The following BTBD9 variants were observed in gnomAD, a reference collection of about 807,000 sequenced individuals.
BTBD9 encodes the protein BTB domain containing 9.
BTBD9 carries 49 observed loss-of-function variants against 64.3 expected under a neutral mutation model. That is an observed-to-expected ratio of 0.76 (90% CI 0.61 to 0.97). The LOEUF is 0.97. Ranked by LOEUF, BTBD9 falls within the 50% of genes least tolerant of loss-of-function variation. The pLI is 0.00. For synonymous variants in BTBD9, 260 were observed against 274.7 expected, an observed-to-expected ratio of 0.95 and a Z score of 0.53; for missense variants, 598 against 762.1, an observed-to-expected ratio of 0.78 and a Z score of 2.53.
At chr6:38,232,238 A>G (rs978250794) in intron 9 of BTBD9, among the ~76,000 whole-genome samples, 1 of 151,206 alleles carries the variant, frequency 6.6e-6, no homozygotes, top group Non-Finnish European at 1.5e-5. Flanking sequence ...GGGTAGTTTC[A>G]GCCCTGGTCT....
Position 38,239,535 on chromosome 6 carries a change from A to G in BTBD9, c.1562+16874T>C, listed in dbSNP as rs190209545. 2.0e-3 allele frequency among the ~76,000 whole-genome samples: 297 copies of G among 152,184 alleles called. 1 individual carries two copies. Among genetic ancestry groups the G allele is most frequent in the African/African-American group, 6.8e-3 (282 of 41,522 alleles). The stretch of plus-strand genomic sequence containing the variant: ...TTTTATCACCCAAGCTACTGGGCTA[A>G]GCTTCAGGATACCAAACCCTTGAGT... On this transcript the variant is annotated intron_variant, in intron 9 of 10. Transcript: ENST00000481247.
intron 6 of BTBD9, among the ~76,000 whole-genome samples, chr6:38,426,133 G>C (rs1360110391): frequency 6.6e-6 from 1 of 151,894 alleles, no homozygotes; most frequent in Non-Finnish European, 1.5e-5. Context: ...AATTAATGAA[G>C]AATGTTTGAT....
intron 6 of BTBD9, among the ~76,000 whole-genome samples, chr6:38,561,318 G>A (rs930934663): frequency 2.1e-4 from 30 of 143,554 alleles, no homozygotes; most frequent in Admixed American, 2.1e-4. Context: ...GAGAGGCTGC[G>A]GAAAAACAGG....
intron 6 of BTBD9, among the ~76,000 whole-genome samples, chr6:38,436,744 A>C (rs1487388886): frequency 6.6e-6 from 1 of 152,160 alleles, no homozygotes; most frequent in East Asian, 1.9e-4. Flanking sequence ...AAAAGAAGGG[A>C]GCGGACAGGT....
At chr6:38,533,229 AT>A (rs1216061414) in intron 6 of BTBD9, among the ~76,000 whole-genome samples, 1 of 152,174 alleles carries the variant, frequency 6.6e-6, no homozygotes, top group African/African-American at 2.4e-5. Context: ...AAGACATTCC[AT>A]GCTAATGGAA....
chr6:38,321,574 C>T (rs1270965630), intron 7 of BTBD9, among the ~76,000 whole-genome samples: 1 of 152,184 alleles, frequency 6.6e-6, no homozygotes, highest in Non-Finnish European at 1.5e-5. Flanking sequence ...TGTGATAACA[C>T]TGCCAAAGAA....
chr6:38,461,655 T>C (rs1185289785), intron 6 of BTBD9, among the ~76,000 whole-genome samples: 1 of 152,260 alleles, frequency 6.6e-6, no homozygotes, highest in African/African-American at 2.4e-5. Flanking sequence ...GGGTATATGC[T>C]TTCTTTTCCT....
chr6:38,504,350 G>A (rs9380755), intron 6 of BTBD9: 1 of 295,104 alleles, frequency 3.4e-6, no homozygotes, highest in Admixed American at 4.0e-5. Context: ...ACTGATGATG[G>A]GCTATTATTT....
At chr6:38,288,796 G>A (rs1004584353) in intron 7 of BTBD9, among the ~76,000 whole-genome samples, 31 of 151,094 alleles carry the variant, frequency 2.1e-4, no homozygotes, top group African/African-American at 6.3e-4. Context: ...GCGTGGTGGC[G>A]TGTGCCTGTA....
In BTBD9 at chr6:38,175,286, G is replaced by A. The variant is rs1282260546; in HGVS notation, c.1642-104C>T. 1.0e-5 allele frequency: 12 copies of A among 1,166,808 alleles called. No individual in the cohort carries two copies. The South Asian group carries it at 1.4e-4, about 13-fold the overall frequency. The allele number at this position is 1,166,808 out of a possible 1,614,324, so 72.3% of individuals were successfully genotyped here. A position where few individuals can be genotyped will look rare whatever the true frequency, so the allele number is the denominator to read the frequency against. On this transcript the variant is annotated intron_variant, in intron 10 of 10. Transcript: ENST00000481247. ...CCTGCCCAGCTTTGGGGGCCACCAC[G>A]AGGGAGTTAGAGGAGGTCCTTCCCA...
At chr6:38,390,914 A>G (rs572030930) in intron 6 of BTBD9, among the ~76,000 whole-genome samples, 2 of 152,220 alleles carry the variant, frequency 1.3e-5, no homozygotes, top group South Asian at 4.1e-4. Flanking sequence ...TGTGAAATCC[A>G]AAAGTCTGGG....
intron 8 of BTBD9, among the ~76,000 whole-genome samples, chr6:38,264,253 G>A (rs1764894653): frequency 1.3e-5 from 2 of 152,276 alleles, no homozygotes; most frequent in Non-Finnish European, 2.9e-5. Flanking sequence ...GGAGGATACA[G>A]GCCAGGGTCA....
intron 9 of BTBD9, among the ~76,000 whole-genome samples, chr6:38,253,563 C>A (rs1021850442): frequency 3.3e-5 from 5 of 152,094 alleles, no homozygotes; most frequent in African/African-American, 1.2e-4. Context: ...AACAGAGGGA[C>A]ATAAAAGAGA....
At chr6:38,310,600 T>C (rs1233607898) in intron 7 of BTBD9, among the ~76,000 whole-genome samples, 2 of 152,214 alleles carry the variant, frequency 1.3e-5, no homozygotes, top group Admixed American at 1.3e-4. Flanking sequence ...TTTTAAATTC[T>C]TTTAATGACC....
At chr6:38,537,546 G>C (rs1338533418) in intron 6 of BTBD9, among the ~76,000 whole-genome samples, 1 of 152,198 alleles carries the variant, frequency 6.6e-6, no homozygotes. Context: ...ACAAGGGCAA[G>C]CATATCTCTT....
chr6:38,349,857 G>A (rs902796140), intron 6 of BTBD9, among the ~76,000 whole-genome samples: 6 of 152,124 alleles, frequency 3.9e-5, no homozygotes, highest in South Asian at 2.1e-4. Flanking sequence ...GAAAGCAAGC[G>A]ACATTCAGAA....
intron 6 of BTBD9, among the ~76,000 whole-genome samples, chr6:38,480,303 G>C (rs749784061): frequency 6.6e-6 from 1 of 152,206 alleles, no homozygotes; most frequent in Non-Finnish European, 1.5e-5. Context: ...TGGGCTGAGA[G>C]ACAGCATGCA....
chr6:38,386,086 G>C (rs563364390), intron 6 of BTBD9, among the ~76,000 whole-genome samples: 1 of 152,082 alleles, frequency 6.6e-6, no homozygotes, highest in Admixed American at 6.5e-5. Flanking sequence ...GAGCCACCAC[G>C]CCCAACAATA....
intron 7 of BTBD9, among the ~76,000 whole-genome samples, chr6:38,316,886 G>T (rs1036163473): frequency 3.0e-4 from 45 of 152,274 alleles, no homozygotes; most frequent in African/African-American, 1.1e-3. Flanking sequence ...TAGTGTTGAT[G>T]AAATCCCTCG....
Sources: allele counts gnomAD v4.1 joint callset (sites outside exome capture counted in the v4.1 genomes callset), GRCh38; gene constraint gnomAD v4.1.1; transcripts MANE v1.5; gene names NCBI Gene and HGNC (gene_info 2026-07-23, HGNC 2026-07-21).